SYT1: variants seen among roughly 807,000 people sequenced by gnomAD.
SYT1 encodes synaptotagmin 1.
A neutral mutation model predicts 44.8 loss-of-function variants in SYT1; 8 were observed. That is an observed-to-expected ratio of 0.18 (90% CI 0.10 to 0.32). The LOEUF (loss-of-function observed/expected upper bound fraction) is 0.32. Among genes scored for constraint, SYT1 ranks in the 10% least tolerant of loss-of-function variants. SYT1 has a pLI of 1.00. For synonymous variants in SYT1, 154 were observed against 188.8 expected (o/e 0.82, Z 1.51); for missense variants, 286 against 509.3 (o/e 0.56, Z 4.22).
intron 4 of SYT1, among the ~76,000 whole-genome samples, chr12:79,255,976 G>A (rs115518029): frequency 6.6e-6 from 1 of 152,132 alleles, no homozygotes; most frequent in African/African-American, 2.4e-5. Flanking sequence ...TAATTACCAA[G>A]ATTATGATTA....
intron 3 of SYT1, among the ~76,000 whole-genome samples, chr12:79,129,509 G>A (rs536125645): frequency 6.6e-6 from 1 of 152,342 alleles, no homozygotes; most frequent in East Asian, 1.9e-4. Context: ...GATCAATTGA[G>A]TAGTGTATTG....
At chr12:79,314,088 G>A (rs1880955667) in intron 8 of SYT1, among the ~76,000 whole-genome samples, 2 of 144,166 alleles carry the variant, frequency 1.4e-5, no homozygotes, top group South Asian at 4.4e-4. Context: ...AGAATGGCGT[G>A]AACCCGGGAG....
intron 3 of SYT1, among the ~76,000 whole-genome samples, chr12:79,209,722 C>T (rs1874328526): frequency 1.3e-5 from 2 of 152,252 alleles, no homozygotes; most frequent in East Asian, 3.9e-4. Flanking sequence ...TTGAAAGCCC[C>T]AGGGCATGGG....
chr12:78,957,445 G>A (rs534743149), intron 1 of SYT1, among the ~76,000 whole-genome samples: 2 of 152,142 alleles, frequency 1.3e-5, no homozygotes, highest in African/African-American at 2.4e-5. Context: ...CACTTACGAC[G>A]TTCAAACATT....
At chr12:79,413,137 G>A (rs1285910568) in intron 9 of SYT1, among the ~76,000 whole-genome samples, 1 of 152,158 alleles carries the variant, frequency 6.6e-6, no homozygotes, top group Admixed American at 6.5e-5. Context: ...TCCATTTCAA[G>A]AGGCAGTCAA....
intron 1 of SYT1, among the ~76,000 whole-genome samples, chr12:78,903,434 G>T (rs1232578516): frequency 6.6e-6 from 1 of 151,710 alleles, no homozygotes; most frequent in African/African-American, 2.4e-5. Flanking sequence ...TTACAGGCAC[G>T]CACCACCATG....
intron 3 of SYT1, among the ~76,000 whole-genome samples, chr12:79,161,557 A>C (rs953519781): frequency 7.9e-5 from 12 of 152,172 alleles, no homozygotes; most frequent in African/African-American, 2.7e-4. Flanking sequence ...TATTTAATAA[A>C]ATACTAAAAC....
At chr12:78,944,184 C>T (rs1878533048) in intron 1 of SYT1, among the ~76,000 whole-genome samples, 4 of 143,910 alleles carry the variant, frequency 2.8e-5, no homozygotes, top group Admixed American at 2.2e-4. Flanking sequence ...GAAACATATA[C>T]TTAGAGGAAG....
intron 9 of SYT1, among the ~76,000 whole-genome samples, chr12:79,423,954 GAAA>G (rs1869276344): frequency 6.7e-6 from 1 of 149,984 alleles, no homozygotes; most frequent in Non-Finnish European, 1.5e-5. Flanking sequence ...AATACTTGTT[GAAA>G]TAACCAACAA....
At chr12:79,064,794 C>T (rs1212749124) in intron 3 of SYT1, among the ~76,000 whole-genome samples, 2 of 151,296 alleles carry the variant, frequency 1.3e-5, no homozygotes, top group South Asian at 2.1e-4. Flanking sequence ...TATTCTGCAC[C>T]CCAAACACAC....
At chr12:79,120,828 A>G (rs1879554485) in intron 3 of SYT1, among the ~76,000 whole-genome samples, 1 of 152,070 alleles carries the variant, frequency 6.6e-6, no homozygotes, top group South Asian at 2.1e-4. Context: ...CAATGCATGT[A>G]GCAGTTCAGT....
At chr12:79,405,732 C>T (rs1220828870) in intron 9 of SYT1, among the ~76,000 whole-genome samples, 1 of 152,092 alleles carries the variant, frequency 6.6e-6, no homozygotes, top group Non-Finnish European at 1.5e-5. Flanking sequence ...CTTTGGTTTG[C>T]CTACTCTATG....
intron 8 of SYT1, among the ~76,000 whole-genome samples, chr12:79,334,062 T>G (rs1339908148): frequency 6.6e-6 from 1 of 152,146 alleles, no homozygotes; most frequent in African/African-American, 2.4e-5. Context: ...CCCAAATGTA[T>G]CTTAACTCTT....
rs539694153 is a variant in SYT1 at position 79,101,981 on chromosome 12, G to A, written c.-18+54619G>A. The stretch of plus-strand genomic sequence containing the variant: ...AATAGTATTTTTCATTTGTTATTGC[G>A]TTCAAGACAGATCACATTCTCAAAA... On this transcript the variant is annotated intron_variant, in intron 3 of 10. Coordinates refer to ENST00000261205, the MANE Select transcript of SYT1 (RefSeq NM_005639.3). Among the ~76,000 whole-genome samples, 11 of 152,144 alleles carry A rather than the reference G, an allele frequency of 7.2e-5. No individual in the cohort carries two copies. The South Asian group carries it at 1.9e-3, about 26-fold the overall frequency.
intron 8 of SYT1, among the ~76,000 whole-genome samples, chr12:79,316,400 T>G (rs1279940862): frequency 6.6e-6 from 1 of 152,218 alleles, no homozygotes; most frequent in Admixed American, 6.5e-5. Flanking sequence ...TTCCTATTGG[T>G]GGACTTTTGG....
At chr12:78,953,607 A>C (rs1416912354) in intron 1 of SYT1, among the ~76,000 whole-genome samples, 1 of 152,158 alleles carries the variant, frequency 6.6e-6, no homozygotes, top group African/African-American at 2.4e-5. Context: ...TGTCTGAAAG[A>C]GTCAGGCATT....
intron 1 of SYT1, among the ~76,000 whole-genome samples, chr12:78,900,905 C>T (rs1002054057): frequency 6.6e-5 from 10 of 152,082 alleles, no homozygotes; most frequent in East Asian, 1.9e-4. Context: ...TAATTCATTG[C>T]GGTTTGTCAG....
chr12:79,067,097 G>A (rs1285857668), intron 3 of SYT1, among the ~76,000 whole-genome samples: 2 of 152,092 alleles, frequency 1.3e-5, no homozygotes, highest in African/African-American at 2.4e-5. Context: ...CAAGCCAGTT[G>A]GCTTGTCCCA....
intron 3 of SYT1, among the ~76,000 whole-genome samples, chr12:79,049,395 T>TGG (rs1483624722): frequency 1.3e-5 from 2 of 151,892 alleles, no homozygotes; most frequent in African/African-American, 4.8e-5. Context: ...TTGGAGCAGG[T>TGG]TTTAATCTCA....
Sources: allele counts gnomAD v4.1 joint callset (sites outside exome capture counted in the v4.1 genomes callset), GRCh38; gene constraint gnomAD v4.1.1; transcripts MANE v1.5; gene names NCBI Gene and HGNC (gene_info 2026-07-23, HGNC 2026-07-21).